DOCK8: variants seen among roughly 807,000 people sequenced by gnomAD.
The protein encoded by DOCK8 is dedicator of cytokinesis 8, also known as dedicator of cytokinesis protein 8.
DOCK8 carries 141 observed loss-of-function variants against 245.6 expected under a neutral mutation model. That is an observed-to-expected ratio of 0.57 (90% CI 0.50 to 0.66). The LOEUF is 0.66. DOCK8 is among the 30% of genes least tolerant of loss of function. DOCK8 has a pLI of 0.00. For missense variants in DOCK8, 2,965 were observed against 2,603.4 expected, an observed-to-expected ratio of 1.14 and a Z score of -3.02; for synonymous variants, 1,168 against 970.2, an observed-to-expected ratio of 1.20 and a Z score of -3.79.
At chr9:414,679 C>T in intron 28 of DOCK8, 103 bp from the exon 29 acceptor site, 1 of 1,414,736 alleles carries the variant, frequency 7.1e-7, no homozygotes, top group Admixed American at 1.7e-5. Context: ...TTTTCACAGT[C>T]ACCTCATTGC....
chr9:271,108 A>C (rs1226133693), intron 1 of DOCK8, among the ~76,000 whole-genome samples: 1 of 152,192 alleles, frequency 6.6e-6, no homozygotes, highest in East Asian at 1.9e-4. Flanking sequence ...AAATACAATC[A>C]TTGGGAATTC....
chr9:383,827 T>G (rs1329679694), intron 22 of DOCK8, among the ~76,000 whole-genome samples: 1 of 152,210 alleles, frequency 6.6e-6, no homozygotes, highest in Admixed American at 6.5e-5. Context: ...AATTCTTTAT[T>G]TTTTTCATGG....
intron 1 of DOCK8, among the ~76,000 whole-genome samples, chr9:244,592 A>C (rs10965867): frequency 0.031 from 4,759 of 152,206 alleles, 246 homozygotes; most frequent in African/African-American, 0.11. Flanking sequence ...TGTTTTGCTC[A>C]CCTTTGAATT....
chr9:329,287 G>A (rs1249625637), intron 9 of DOCK8, among the ~76,000 whole-genome samples: 1 of 152,146 alleles, frequency 6.6e-6, no homozygotes, highest in African/African-American at 2.4e-5. Context: ...ACAAATTCAG[G>A]TGTCTGATTT....
chr9:338,937 A>G (rs1362970122), intron 12 of DOCK8, 69 bp from the exon 13 acceptor site: 1 of 1,346,256 alleles, frequency 7.4e-7, no homozygotes, highest in Admixed American at 1.7e-5. Context: ...AAATCTTCCC[A>G]GAAATCGTTT....
Position 429,802 on chromosome 9 carries a change from A to G in DOCK8, c.4574A>G (p.Gln1525Arg). The G allele has an allele frequency of 6.2e-7, 1 of 1,614,212 alleles. No individual in the cohort carries two copies. The highest frequency in any genetic ancestry group is 1.1e-5 in the South Asian group (1 of 91,084). ...CSSSMDVTRS[Q>R]ACATLYLLMR... ...AGCAGCATGGATGTCACCCGGAGCC[A>G]AGCCTGTGCCACCCTTTACCTCCTC... The change falls in exon 36 of 48, where the codon CAA becomes CGA. Residue 1525 changes from glutamine to arginine, a missense_variant. Coordinates refer to ENST00000432829, the MANE Select transcript of DOCK8 (RefSeq NM_203447.4).
chr9:377,222 G>T lies in DOCK8; in HGVS notation c.2440+11G>T. On this transcript the variant is annotated intron_variant, in intron 20 of 47. Coordinates refer to ENST00000432829, the MANE Select transcript of DOCK8 (RefSeq NM_203447.4). ...TCGCTGGCCAGACAGGTATGAACCT[G>T]CAGGGCTGGGCTGGGAGGAGGCAGG... The T allele has an allele frequency of 6.4e-7, 1 of 1,566,274 alleles. No homozygotes were observed. The highest frequency in any genetic ancestry group is 8.6e-7 in the Non-Finnish European group (1 of 1,160,380).
At chr9:258,807 A>G (rs749253950) in intron 1 of DOCK8, among the ~76,000 whole-genome samples, 1 of 152,000 alleles carries the variant, frequency 6.6e-6, no homozygotes, top group South Asian at 2.1e-4. Flanking sequence ...CACGTTGGCC[A>G]GGCTGGTCTC....
chr9:273,616 A>C (rs1394445331), intron 2 of DOCK8, among the ~76,000 whole-genome samples: 1 of 151,864 alleles, frequency 6.6e-6, no homozygotes. Flanking sequence ...TAGTGTGGAC[A>C]TCACTCCTAA....
chr9:345,871 G>C (rs2051858142), intron 14 of DOCK8, among the ~76,000 whole-genome samples: 1 of 152,116 alleles, frequency 6.6e-6, no homozygotes, highest in Admixed American at 6.5e-5. Flanking sequence ...AGTTCTGGTA[G>C]AACTGGGTAG....
At chr9:237,295 C>A (rs2047275441) in intron 1 of DOCK8, among the ~76,000 whole-genome samples, 1 of 152,234 alleles carries the variant, frequency 6.6e-6, no homozygotes, top group Admixed American at 6.5e-5. Flanking sequence ...AAGAAGAATA[C>A]AAGGTGCCAT....
In DOCK8 at chr9:420,966, C is replaced by G. The variant is rs776482748; in HGVS notation, c.4041C>G (p.Asp1347Glu). The change falls in exon 32 of 48, where the codon GAC (aspartate) becomes GAG (glutamate). Residue 1347 changes from aspartate (D) to glutamate (E), a missense_variant. Asp to Glu is a conservative substitution (Grantham distance 45). Transcript: ENST00000432829. ...TTGTCCAGGGAAAACAGAGTTCTGA[C>G]AAAGTCAGTACCCAAGTCCTGCAGA... The part of the protein sequence containing the change: ...CFEYKGKQSS[D>E]KVSTQVLQKS... The G allele has an allele frequency of 3.1e-6, 5 of 1,614,188 alleles. No homozygotes were observed. The highest frequency in any genetic ancestry group is 4.2e-6 in the Non-Finnish European group (5 of 1,180,030).
rs747332312 is a variant in DOCK8, at chr9:215,298, C to G, written c.53+269C>G. 2.6e-5 allele frequency: 42 copies of G among 1,607,072 alleles called. 1 individual carries two copies. Among genetic ancestry groups the G allele is most frequent in the Non-Finnish European group, 3.6e-5 (42 of 1,177,170 alleles). On this transcript the variant is annotated intron_variant, in intron 1 of 47. Coordinates refer to ENST00000432829, the MANE Select transcript of DOCK8 (RefSeq NM_203447.4). The stretch of plus-strand genomic sequence containing the variant: ...GCCGGGGATCCCTTCCCCGAACAAC[C>G]TCGCCCGCTCCGCCCTCCAGGTTCT...
intron 37 of DOCK8, 42 bp downstream of exon 37, chr9:432,366 A>G: frequency 6.3e-7 from 1 of 1,594,898 alleles, no homozygotes; most frequent in Non-Finnish European, 8.6e-7. Context: ...TGAGTTTGGG[A>G]TCTGCCAACT....
chr9:325,863 TC>T, intron 8 of DOCK8, 126 bp downstream of exon 8: 1 of 896,564 alleles, frequency 1.1e-6, no homozygotes, highest in Admixed American at 1.9e-5. Flanking sequence ...CTTTGATGAG[TC>T]CAGTTCTGTT....
At position 360,322 on chromosome 9, in the gene DOCK8, TA is replaced by T. The variant is rs35203849; in HGVS notation, c.1680-7681del. Among the ~76,000 whole-genome samples the T allele has an allele frequency of 4.5e-3, 626 of 139,080 alleles. 4 individuals are homozygous for T. The highest frequency in any genetic ancestry group is 0.029 in the East Asian group (135 of 4,720). 91.2% of individuals were successfully genotyped at this position (139,080 alleles called of 152,430 possible). On this transcript the variant is annotated intron_variant, in intron 14 of 47. Coordinates refer to ENST00000432829, the MANE Select transcript of DOCK8 (RefSeq NM_203447.4). ...CAGAGCAAGACTCCATCTCAAAATTTAAAAAAAAAAAAAAAGAATAAAATAG... is the reference window on the plus strand; with the variant it reads ...CAGAGCAAGACTCCATCTCAAAATTTAAAAAAAAAAAAAAGAATAAAATAG...
rs544304069 is a variant in DOCK8, at chr9:256,200, T to A, written c.54-15427T>A. The stretch of plus-strand genomic sequence containing the variant: ...CAAGAACGAGGCTCTTTCTGAGCCC[T>A]GCAGGAAAGAATATTTGCAGAACAA... On this transcript the variant is annotated intron_variant, in intron 1 of 47. Transcript: ENST00000432829. Among the ~76,000 whole-genome samples the A allele has an allele frequency of 2.0e-5, 3 of 152,332 alleles. No individual in the cohort carries two copies. The South Asian group carries it at 6.2e-4, about 32-fold the overall frequency.
At chr9:415,234 C>A (rs1228440391) in intron 29 of DOCK8, among the ~76,000 whole-genome samples, 1 of 152,114 alleles carries the variant, frequency 6.6e-6, no homozygotes, top group Non-Finnish European at 1.5e-5. Context: ...ACTTTATAAA[C>A]CATACACCAC....
intron 42 of DOCK8, among the ~76,000 whole-genome samples, chr9:442,690 C>T (rs572428623): frequency 6.3e-4 from 96 of 151,366 alleles, no homozygotes; most frequent in African/African-American, 2.3e-3. Flanking sequence ...AAAGGTGCCT[C>T]CCCGATGGGA....
Sources: allele counts gnomAD v4.1 joint callset (sites outside exome capture counted in the v4.1 genomes callset), GRCh38; gene constraint gnomAD v4.1.1; transcripts MANE v1.5; gene names NCBI Gene and HGNC (gene_info 2026-07-23, HGNC 2026-07-21).